The following ZNF831 variants were observed in gnomAD, a reference collection of about 807,000 sequenced individuals.
The protein encoded by ZNF831 is chromosome 20 open reading frame 174.
ZNF831 carries 59 observed loss-of-function variants against 95.8 expected under a neutral mutation model. The observed-to-expected ratio is 0.62, with a 90% CI of 0.50 to 0.77. The LOEUF is 0.77. Among genes scored for constraint, ZNF831 ranks in the 30% least tolerant of loss-of-function variants. The probability of loss-of-function intolerance (pLI) is 0.00; values close to 1 mark genes in which losing one functional copy is unlikely to be tolerated. For synonymous variants in ZNF831, 961 were observed against 925.5 expected (o/e 1.04, Z -0.70); for missense variants, 2,205 against 2,164.0 (o/e 1.02, Z -0.38).
Position 59,254,073 on chromosome 20 carries a change from A to G in ZNF831, c.4364A>G (p.Asp1455Gly). The G allele has an allele frequency of 6.2e-7, 1 of 1,614,068 alleles. No individual in the cohort carries two copies. The highest frequency in any genetic ancestry group is 8.5e-7 in the Non-Finnish European group (1 of 1,180,004). ...GAGACTCAGCTGCTGGCCTCCCAGGATTCAGTCTCAACAGATCCCAAACCA... is the reference window on the plus strand; with the variant it reads ...GAGACTCAGCTGCTGGCCTCCCAGGGTTCAGTCTCAACAGATCCCAAACCA... ...LLETQLLASQ[D>G]SVSTDPKPYI... Residue 1455 changes from aspartate to glycine, a missense_variant, in exon 6 of 6, where the codon GAT becomes GGT. Coordinates refer to ENST00000371030, the MANE Select transcript of ZNF831 (RefSeq NM_178457.3). This position sits in a 1 kb window ranked among gnomAD's most constrained non-coding sequence, Gnocchi z 4.5.
chr20:59,231,455 C>T (rs1053415932), intron 4 of ZNF831, among the ~76,000 whole-genome samples: 2 of 152,192 alleles, frequency 1.3e-5, no homozygotes, highest in Non-Finnish European at 2.9e-5. Flanking sequence ...ATTAGTCTCT[C>T]GAGGCAGTAG....
chr20:59,174,521 A>G (rs1392022540), intron 1 of ZNF831, among the ~76,000 whole-genome samples: 1 of 152,214 alleles, frequency 6.6e-6, no homozygotes, highest in Non-Finnish European at 1.5e-5. Flanking sequence ...CATATCAGAC[A>G]GTGTTATAAT....
intron 4 of ZNF831, among the ~76,000 whole-genome samples, chr20:59,250,675 C>T (rs543991982): frequency 9.9e-4 from 151 of 151,932 alleles, no homozygotes; most frequent in African/African-American, 3.4e-3. Context: ...TTAACATTGC[C>T]GGGGGTAAAA....
intron 1 of ZNF831, among the ~76,000 whole-genome samples, chr20:59,170,653 T>C (rs548520062): frequency 2.6e-5 from 4 of 152,244 alleles, no homozygotes; most frequent in African/African-American, 9.6e-5. Flanking sequence ...CTAACTATAA[T>C]GAAGAGGGAC....
chr20:59,222,491 TC>T (rs1469723478), intron 4 of ZNF831, among the ~76,000 whole-genome samples: 3 of 148,438 alleles, frequency 2.0e-5, no homozygotes, highest in Non-Finnish European at 4.4e-5. Flanking sequence ...TTTCTCTCTC[TC>T]TTTTTTTTTT....
chr20:59,146,754 C>T (rs982251541), intron 2 of ZNF831: 1 of 152,214 alleles, frequency 6.6e-6, no homozygotes, highest in Non-Finnish European at 1.5e-5. Context: ...GTCCTCCATC[C>T]AAGGGGCTTT....
Position 59,191,580 on chromosome 20 carries a change from C to T in ZNF831, c.561C>T (p.Leu187=), listed in dbSNP as rs1983532210. The change falls in exon 2 of 6, where the codon CTC becomes CTT. Residue 187 remains leucine (L), a synonymous_variant. Coordinates refer to ENST00000371030, the MANE Select transcript of ZNF831 (RefSeq NM_178457.3). ...CGIAFKTQSN[L]YKHRRTQTHL... is the part of the protein sequence containing the mutation. ...TCGCCTTTAAGACCCAGAGCAATCT[C>T]TACAAGCACAGGCGGACGCAGACGC... 1 of 1,611,062 alleles carries T rather than the reference C, an allele frequency of 6.2e-7. No homozygotes were observed. The highest frequency in any genetic ancestry group is 1.7e-5 in the Admixed American group (1 of 59,828).
intron 2 of ZNF831, among the ~76,000 whole-genome samples, chr20:59,148,733 C>T (rs372694077): frequency 2.6e-5 from 3 of 117,098 alleles, no homozygotes; most frequent in Admixed American, 1.0e-4. Flanking sequence ...AAGAACAGAG[C>T]GTGAGAGCAA....
At chr20:59,213,584 A>G (rs1481612606) in intron 4 of ZNF831, among the ~76,000 whole-genome samples, 1 of 152,222 alleles carries the variant, frequency 6.6e-6, no homozygotes. Flanking sequence ...TTTAACAAAC[A>G]TAAGTTTCTT....
rs2146601648 is a variant in ZNF831 at position 59,194,566 on chromosome 20, C to T, written c.3547C>T (p.Leu1183Phe). 6.2e-7 allele frequency: 1 copy of T among 1,607,406 alleles called. No homozygotes were observed. Among genetic ancestry groups the T allele is most frequent in the Non-Finnish European group, 8.5e-7 (1 of 1,176,450 alleles). Residue 1183 changes from leucine to phenylalanine, a missense_variant, in exon 2 of 6, where the codon CTC becomes TTC. Coordinates refer to ENST00000371030, the MANE Select transcript of ZNF831 (RefSeq NM_178457.3). ...PFPSLKAEPR[L>F]TWCCLSRSVP... ...TCCCTCACTGAAGGCTGAGCCGCGG[C>T]TCACGTGGTGTTGCCTGAGCCGCAG...
intron 1 of ZNF831, among the ~76,000 whole-genome samples, chr20:59,172,134 C>G (rs552791898): frequency 6.6e-6 from 1 of 152,160 alleles, no homozygotes; most frequent in East Asian, 1.9e-4. Flanking sequence ...GACTGAGTCA[C>G]GTTACTTGCC....
At chr20:59,145,229 G>T (rs1979807377) in intron 1 of ZNF831, among the ~76,000 whole-genome samples, 1 of 152,140 alleles carries the variant, frequency 6.6e-6, no homozygotes. Flanking sequence ...GCCCAATCTT[G>T]CTCTCTGGCT....
intron 1 of ZNF831, among the ~76,000 whole-genome samples, chr20:59,143,717 G>A (rs534557756): frequency 1.3e-5 from 2 of 152,228 alleles, no homozygotes; most frequent in Non-Finnish European, 1.5e-5. Flanking sequence ...TGGTTGGCCC[G>A]AGGATCAGTC....
At position 59,253,062 on chromosome 20, in the gene ZNF831, G is replaced by A; in HGVS notation, c.4112G>A (p.Cys1371Tyr). Reference protein sequence around the residue: ...CGKEEKKEGDCRQTLGTLSLG... With the variant: ...CGKEEKKEGDYRQTLGTLSLG... ...AAGGAAGAGAAGAAGGAAGGTGACTGCAGACAAACCTTAGGAACCCTCTCT... is the reference window on the plus strand; with the variant it reads ...AAGGAAGAGAAGAAGGAAGGTGACTACAGACAAACCTTAGGAACCCTCTCT... Residue 1371 changes from cysteine to tyrosine, a missense_variant, in exon 5 of 6, where the codon TGC becomes TAC. Cys to Tyr is a radical substitution (Grantham distance 194). Transcript: ENST00000371030. 1.2e-6 allele frequency: 2 copies of A among 1,614,196 alleles called. No homozygotes were observed.
At chr20:59,240,671 G>A (rs1415186022) in intron 4 of ZNF831, among the ~76,000 whole-genome samples, 4 of 151,900 alleles carry the variant, frequency 2.6e-5, no homozygotes, top group Non-Finnish European at 5.9e-5. Context: ...GCGTGGTGGC[G>A]GGCGCCTGTA....
chr20:59,166,915 G>C (rs969421163), intron 1 of ZNF831, among the ~76,000 whole-genome samples: 1 of 152,216 alleles, frequency 6.6e-6, no homozygotes, highest in Non-Finnish European at 1.5e-5. Context: ...TTGTGTGAAC[G>C]TAAGTTTTCA....
At position 59,193,443 on chromosome 20, in the gene ZNF831, G is replaced by GCTTGTCCTC; in HGVS notation, c.2425_2426insTTGTCCTCC (p.Trp808_Pro809insLeuValLeu). On this transcript the variant is annotated inframe_insertion, in exon 2 of 6. Transcript: ENST00000371030. ...TGTGGGCCCAGACTGTCCTGAGATG[G>GCTTGTCCTC]CCCAGCAGGGGCTCAGGGGAGGACA... is the stretch of plus-strand genomic sequence containing the variant. 1 of 1,604,176 alleles carries GCTTGTCCTC rather than the reference G, an allele frequency of 6.2e-7. No individual in the cohort carries two copies. Among genetic ancestry groups the GCTTGTCCTC allele is most frequent in the South Asian group, 1.1e-5 (1 of 88,990 alleles).
chr20:59,129,990 A>G (rs1979299084), intron 1 of ZNF831, among the ~76,000 whole-genome samples: 1 of 152,162 alleles, frequency 6.6e-6, no homozygotes, highest in South Asian at 2.1e-4. Context: ...AGGATTCCTG[A>G]TGGACGTTGG....
At chr20:59,227,643 A>C (rs1380468668) in intron 4 of ZNF831, among the ~76,000 whole-genome samples, 1 of 152,140 alleles carries the variant, frequency 6.6e-6, no homozygotes, top group Non-Finnish European at 1.5e-5. Context: ...ATACCCTCAA[A>C]CTTCAGTTAT....
Sources: allele counts gnomAD v4.1 joint callset (sites outside exome capture counted in the v4.1 genomes callset), GRCh38; gene constraint gnomAD v4.1.1; non-coding constraint Gnocchi (gnomAD v3.1); transcripts MANE v1.5; gene names NCBI Gene and HGNC (gene_info 2026-07-23, HGNC 2026-07-21).